Variants in ABCC1 observed in about 807,000 individuals in gnomAD.
ABCC1 encodes the protein ATP binding cassette subfamily C member 1 (ABCC1 blood group).
In ABCC1, 83 loss-of-function variants were observed where a neutral mutation model predicts 172.9. The observed-to-expected ratio is 0.48, with a 90% confidence interval of 0.40 to 0.58. The LOEUF is 0.58. Ranked by LOEUF, ABCC1 falls within the 20% of genes least tolerant of loss-of-function variation. The pLI is 0.00. For missense variants in ABCC1, 1,817 were observed against 2,002.7 expected, an observed-to-expected ratio of 0.91 and a Z score of 1.77; for synonymous variants, 937 against 825.2, an observed-to-expected ratio of 1.14 and a Z score of -2.32.
chr16:16,035,099 T>C (rs896839498), intron 6 of ABCC1, among the ~76,000 whole-genome samples: 18 of 152,174 alleles, frequency 1.2e-4, no homozygotes, highest in African/African-American at 4.3e-4. Context: ...ATTTTACCTT[T>C]TATTATAAAA....
chr16:16,046,922 C>T (rs936668352), intron 9 of ABCC1, among the ~76,000 whole-genome samples: 1 of 152,016 alleles, frequency 6.6e-6, no homozygotes, highest in Non-Finnish European at 1.5e-5. Flanking sequence ...AGGCCAGGCA[C>T]TGTAGCTCAT....
At chr16:16,050,729 C>CAAAAA (rs35207136) in intron 10 of ABCC1, among the ~76,000 whole-genome samples, 1 of 66,576 alleles carries the variant, frequency 1.5e-5, no homozygotes, top group Non-Finnish European at 3.0e-5. Flanking sequence ...CCTGTCTCTA[C>CAAAAA]AAAAAAAAAA....
chr16:15,992,994 C>T (rs1264463872), intron 1 of ABCC1, among the ~76,000 whole-genome samples: 2 of 152,142 alleles, frequency 1.3e-5, no homozygotes, highest in African/African-American at 4.8e-5. Context: ...CCCTTCCAGT[C>T]TGCTAGGATG....
rs912574228 is a variant in ABCC1, at chr16:16,068,204, A to G, written c.1726A>G (p.Ile576Val). 1 of 1,614,070 alleles carries G rather than the reference A, an allele frequency of 6.2e-7. No homozygotes were observed. Among genetic ancestry groups the G allele is most frequent in the South Asian group, 1.1e-5 (1 of 91,080 alleles). ...CTACGTGACCATTGACGAGAACAAC[A>G]TCCTGGATGCCCAGACAGCCTTCGT... The part of the protein sequence containing the change: ...AVYVTIDENN[I>V]LDAQTAFVSL... The change falls in exon 13 of 31, where the codon ATC becomes GTC. Residue 576 changes from isoleucine (I) to valine (V), a missense_variant. Physicochemically the swap from Ile to Val is conservative, Grantham distance 29. Coordinates refer to ENST00000399410, the MANE Select transcript of ABCC1 (RefSeq NM_004996.4).
At chr16:15,959,312 C>CTTTCTT (rs895192255) in intron 1 of ABCC1, among the ~76,000 whole-genome samples, 4 of 152,228 alleles carry the variant, frequency 2.6e-5, no homozygotes, top group African/African-American at 9.6e-5. Flanking sequence ...ACAAAAATGG[C>CTTTCTT]TTTCTTTTTC....
chr16:16,005,902 C>T (rs999981951), intron 1 of ABCC1, among the ~76,000 whole-genome samples: 1 of 151,084 alleles, frequency 6.6e-6, no homozygotes, highest in Non-Finnish European at 1.5e-5. Context: ...TGCAGTGAGC[C>T]GAGATCGCTT....
In ABCC1 at chr16:15,949,902, G is replaced by C. The variant is rs1043644413; in HGVS notation, c.48+103G>C. On this transcript the variant is annotated intron_variant, in intron 1 of 30. Coordinates refer to ENST00000399410, the MANE Select transcript of ABCC1 (RefSeq NM_004996.4). ...CCCGGGGCACCCCGCTCCCCGCTCT[G>C]CTGCCGGCCTCGGGGGCCCGGGACC... 67 of 1,032,084 alleles carry C rather than the reference G, an allele frequency of 6.5e-5. 1 individual carries two copies. In the African/African-American group the frequency reaches 1.1e-3, roughly 16 times the overall value. The allele number at this position is 1,032,084 out of a possible 1,614,324, so 63.9% of individuals were successfully genotyped here. A position where few individuals can be genotyped will look rare whatever the true frequency, so the allele number is the denominator to read the frequency against.
intron 19 of ABCC1, among the ~76,000 whole-genome samples, chr16:16,098,559 C>T (rs753770602): frequency 2.2e-4 from 33 of 152,330 alleles, no homozygotes; most frequent in Middle Eastern, 3.4e-3. Context: ...GCGGAGGTTG[C>T]GGTGAGCTAA....
chr16:16,080,222 T>C (rs1308742352), intron 16 of ABCC1, among the ~76,000 whole-genome samples: 1 of 152,202 alleles, frequency 6.6e-6, no homozygotes, highest in African/African-American at 2.4e-5. Context: ...TTTGGGTCTT[T>C]TTGGATTGTT....
At chr16:16,102,109 G>C (rs891827412) in intron 19 of ABCC1, among the ~76,000 whole-genome samples, 1 of 152,188 alleles carries the variant, frequency 6.6e-6, no homozygotes, top group Non-Finnish European at 1.5e-5. Flanking sequence ...ACCTCTCTGT[G>C]GTCTAGGAAC....
At chr16:16,114,315 C>T (rs45443999) in intron 22 of ABCC1, among the ~76,000 whole-genome samples, 3 of 105,394 alleles carry the variant, frequency 2.8e-5, no homozygotes, top group Middle Eastern at 4.8e-3. Flanking sequence ...TGAATAATAG[C>T]TGCCATTATC....
chr16:16,006,390 C>T (rs1166469207), intron 1 of ABCC1, among the ~76,000 whole-genome samples: 2 of 151,468 alleles, frequency 1.3e-5, no homozygotes, highest in African/African-American at 4.9e-5. Flanking sequence ...CACACTTCAG[C>T]CTGGGCAACA....
rs1208088210 is a variant in ABCC1 at position 16,008,842 on chromosome 16, CAAAA to C, written c.225+870_225+873del. Among the ~76,000 whole-genome samples the C allele has an allele frequency of 1.2e-3, 70 of 60,226 alleles. 1 individual carries two copies. Among genetic ancestry groups the C allele is most frequent in the African/African-American group, 3.8e-3 (65 of 16,930 alleles). 39.5% of individuals were successfully genotyped at this position (60,226 alleles called of 152,430 possible). Reference sequence around the variant, plus strand: ...TGTGCAACAGAGCGAGACTCCTTCTCAAAAAAAAAAAAAAAAAAAAAAAGTTGCG... The same window carrying C: ...TGTGCAACAGAGCGAGACTCCTTCTCAAAAAAAAAAAAAAAAAAAGTTGCG... On this transcript the variant is annotated intron_variant, in intron 2 of 30. Transcript: ENST00000399410.
In ABCC1 at chr16:15,999,808, T is replaced by TCTCTCTCTCTCTCC. The variant is rs1567298814; in HGVS notation, c.49-8007_49-8006insTCTCTCTCTCTCCC. Among the ~76,000 whole-genome samples, 2 of 11,894 alleles carry TCTCTCTCTCTCTCC rather than the reference T, an allele frequency of 1.7e-4. 1 individual carries two copies. Among genetic ancestry groups the TCTCTCTCTCTCTCC allele is most frequent in the African/African-American group, 3.4e-4 (2 of 5,884 alleles). The allele number at this position is 11,894 out of a possible 152,430, so 7.8% of individuals were successfully genotyped here. On this transcript the variant is annotated intron_variant, in intron 1 of 30. Transcript: ENST00000399410. ...CTCTCTCTCTCTCTCTCTCTCTCTC[T>TCTCTCTCTCTCTCC]CCTCTCTCTCTCTCTCTCTCTCTCT...
intron 7 of ABCC1, among the ~76,000 whole-genome samples, chr16:16,038,342 C>T (rs1004653008): frequency 1.3e-5 from 2 of 152,148 alleles, no homozygotes; most frequent in Non-Finnish European, 2.9e-5. Context: ...GTCTCAGACC[C>T]AGGGAAGCTG....
At position 16,122,081 on chromosome 16, in the gene ABCC1, G is replaced by C; in HGVS notation, c.3497G>C (p.Arg1166Pro). 1 of 1,614,138 alleles carries C rather than the reference G, an allele frequency of 6.2e-7. No individual in the cohort carries two copies. Among genetic ancestry groups the C allele is most frequent in the South Asian group, 1.1e-5 (1 of 91,072 alleles). ...NETLLGVSVI[R>P]AFEEQERFIH... ...ACCTTGCTGGGGGTCAGCGTCATTC[G>C]AGCCTTCGAGGAGCAGGAGCGCTTC... Residue 1166 changes from arginine (R) to proline (P), a missense_variant, in exon 24 of 31, where the codon CGA becomes CCA. Physicochemically the swap from Arg to Pro is moderately radical, Grantham distance 103. Transcript: ENST00000399410.
intron 5 of ABCC1, among the ~76,000 whole-genome samples, chr16:16,021,316 A>T (rs1043618775): frequency 1.8e-4 from 27 of 147,228 alleles, no homozygotes; most frequent in African/African-American, 5.7e-4. Flanking sequence ...CAAGAGCCTT[A>T]TTTTTTTTTT....
rs992703458 is a variant in ABCC1 at position 15,994,203 on chromosome 16, G to C, written c.49-13613G>C. ...CCAGTGTACTCAAGCCTGGGCAACAGAGTGAGACCCTGTCTCAAAAAACAA... is the reference window on the plus strand; with the variant it reads ...CCAGTGTACTCAAGCCTGGGCAACACAGTGAGACCCTGTCTCAAAAAACAA... On this transcript the variant is annotated intron_variant, in intron 1 of 30. Coordinates refer to ENST00000399410, the MANE Select transcript of ABCC1 (RefSeq NM_004996.4). Among the ~76,000 whole-genome samples the C allele has an allele frequency of 2.6e-5, 4 of 152,162 alleles. No homozygotes were observed. The East Asian group carries it at 7.7e-4, about 29-fold the overall frequency.
chr16:16,043,220 C>CCGTTTTTTTTTTTTT (rs1437069469), intron 7 of ABCC1, among the ~76,000 whole-genome samples: 1 of 93,172 alleles, frequency 1.1e-5, no homozygotes, highest in African/African-American at 6.0e-5. Context: ...GCTGGCTGGA[C>CCGTTTTTTTTTTTTT]TGTTTTTTTT....
Sources: gnomAD v4.1 joint callset for allele counts (sites outside exome capture counted in the v4.1 genomes callset) on GRCh38, gnomAD v4.1.1 for gene constraint, MANE v1.5 for transcripts, NCBI Gene and HGNC (gene_info 2026-07-23, HGNC 2026-07-21) for gene names.